Variants in PARD3 observed in about 807,000 individuals in gnomAD.
The protein encoded by PARD3 is par-3 family cell polarity regulator.
A neutral mutation model predicts 155.4 loss-of-function variants in PARD3; 75 were observed. That is an observed-to-expected ratio of 0.48 (90% CI 0.40 to 0.58). PARD3 has a LOEUF of 0.58. Among genes scored for constraint, PARD3 ranks in the 20% least tolerant of loss-of-function variants. The pLI is 0.00. For missense variants in PARD3, 1,642 were observed against 1,721.7 expected (o/e 0.95, Z 0.82); for synonymous variants, 576 against 610.5 (o/e 0.94, Z 0.83).
rs1293101978 is a variant in PARD3, at chr10:34,143,237, G to A, written c.3420-11654C>T. Among the ~76,000 whole-genome samples the A allele has an allele frequency of 2.0e-5, 3 of 152,174 alleles. No homozygotes were observed. The East Asian group carries it at 5.8e-4, about 29-fold the overall frequency. ...TGGGAAGCTGAATCGCTTGAACCCA[G>A]GAGGTGGAGGTTGCAGTGACCTGAG... On this transcript the variant is annotated intron_variant, in intron 22 of 24. Transcript: ENST00000374788.
intron 18 of PARD3, among the ~76,000 whole-genome samples, chr10:34,332,033 G>C (rs1421219853): frequency 6.6e-6 from 1 of 152,160 alleles, no homozygotes; most frequent in African/African-American, 2.4e-5. Context: ...AAAAAGGAGA[G>C]ACTGGATATG....
chr10:34,305,695 A>G (rs1184936880), intron 20 of PARD3, among the ~76,000 whole-genome samples: 3 of 152,206 alleles, frequency 2.0e-5, no homozygotes, highest in Admixed American at 1.3e-4. Context: ...TACTTAAATC[A>G]TGGCTGGGCA....
chr10:34,329,279 T>G (rs1835368005), intron 19 of PARD3, among the ~76,000 whole-genome samples: 1 of 152,140 alleles, frequency 6.6e-6, no homozygotes, highest in African/African-American at 2.4e-5. Context: ...CAAACTGCAT[T>G]TTTTAAGGAA....
chr10:34,401,649 T>C (rs150687895), intron 6 of PARD3, among the ~76,000 whole-genome samples, 177 bp downstream of exon 6: 239 of 152,332 alleles, frequency 1.6e-3, no homozygotes, highest in Non-Finnish European at 2.4e-3. Flanking sequence ...GCTATACTGC[T>C]TACATTACAT....
At position 34,268,034 on chromosome 10, in the gene PARD3, G is replaced by A. The variant is rs76523108; in HGVS notation, c.3419+1623C>T. Among the ~76,000 whole-genome samples, 452 of 152,244 alleles carry A rather than the reference G, an allele frequency of 3.0e-3. 4 individuals are homozygous for A. Among genetic ancestry groups the A allele is most frequent in the African/African-American group, 0.01 (433 of 41,538 alleles). On this transcript the variant is annotated intron_variant, in intron 22 of 24. Coordinates refer to ENST00000374788, the MANE Select transcript of PARD3 (RefSeq NM_001184785.2). The stretch of plus-strand genomic sequence containing the variant: ...CACTATGAGAGATGATGAGCTGAGT[G>A]TATCATTTATGACAATAACATGCGT...
chr10:34,544,625 T>C (rs570337736), intron 2 of PARD3, among the ~76,000 whole-genome samples: 1 of 152,322 alleles, frequency 6.6e-6, no homozygotes, highest in African/African-American at 2.4e-5. Flanking sequence ...CCATCAGTCC[T>C]GCTGAATCAG....
At chr10:34,318,827 G>A (rs538679577) in intron 19 of PARD3, among the ~76,000 whole-genome samples, 15 of 152,008 alleles carry the variant, frequency 9.9e-5, no homozygotes, top group Non-Finnish European at 2.2e-4. Context: ...GTGCAGTGGT[G>A]TGATCTCGAC....
intron 2 of PARD3, among the ~76,000 whole-genome samples, chr10:34,562,650 A>T (rs894632833): frequency 1.5e-4 from 23 of 152,178 alleles, no homozygotes; most frequent in African/African-American, 5.3e-4. Context: ...ACTTTTTTTT[A>T]AAACCAAGCA....
In PARD3 at chr10:34,173,177, T is replaced by C. The variant is rs562150097; in HGVS notation, c.3420-41594A>G. On this transcript the variant is annotated intron_variant, in intron 22 of 24. Transcript: ENST00000374788. ...AATCTCTGTGCGGGTATCGGCTGTG[T>C]CTTCCTCCTTCCGAAAAACCCCGAA... Among the ~76,000 whole-genome samples, 6 of 152,344 alleles carry C rather than the reference T, an allele frequency of 3.9e-5. No homozygotes were observed. In the East Asian group the frequency reaches 1.2e-3, roughly 29 times the overall value.
At chr10:34,434,031 G>A (rs1697522431) in intron 5 of PARD3, among the ~76,000 whole-genome samples, 1 of 152,208 alleles carries the variant, frequency 6.6e-6, no homozygotes, top group African/African-American at 2.4e-5. Context: ...ACACTATTAT[G>A]TGTGCCTCAC....
intron 2 of PARD3, among the ~76,000 whole-genome samples, chr10:34,561,679 T>C (rs2085486182): frequency 6.6e-6 from 1 of 151,904 alleles, no homozygotes; most frequent in Non-Finnish European, 1.5e-5. Flanking sequence ...CCACCATGCC[T>C]GGCTGATCTT....
chr10:34,787,264 A>G (rs1841085342), intron 1 of PARD3, among the ~76,000 whole-genome samples: 1 of 152,172 alleles, frequency 6.6e-6, no homozygotes, highest in Admixed American at 6.5e-5. Context: ...CTGTAATCCC[A>G]GCTACTCAGG....
At chr10:34,558,173 A>T (rs1043815550) in intron 2 of PARD3, among the ~76,000 whole-genome samples, 1 of 152,158 alleles carries the variant, frequency 6.6e-6, no homozygotes, top group Non-Finnish European at 1.5e-5. Flanking sequence ...TAAAAAAAAA[A>T]AGTTGAATAC....
intron 1 of PARD3, among the ~76,000 whole-genome samples, chr10:34,761,159 T>G (rs1837394276): frequency 6.6e-6 from 1 of 152,020 alleles, no homozygotes; most frequent in Non-Finnish European, 1.5e-5. Flanking sequence ...GCCTATTATC[T>G]CAGCACTCTG....
At chr10:34,776,831 TTTGTG>T (rs1234833130) in intron 1 of PARD3, among the ~76,000 whole-genome samples, 1 of 30,676 alleles carries the variant, frequency 3.3e-5, no homozygotes, top group African/African-American at 1.2e-4. Flanking sequence ...GTCGTGTTTT[TTTGTG>T]GGGGGGGGGG....
At chr10:34,690,738 G>T (rs148474692) in intron 2 of PARD3, among the ~76,000 whole-genome samples, 1 of 152,138 alleles carries the variant, frequency 6.6e-6, no homozygotes, top group Non-Finnish European at 1.5e-5. Flanking sequence ...GCAGAACCCC[G>T]AGGGAAAACC....
intron 2 of PARD3, among the ~76,000 whole-genome samples, chr10:34,583,676 A>G (rs1415686970): frequency 6.6e-6 from 1 of 152,206 alleles, no homozygotes; most frequent in Non-Finnish European, 1.5e-5. Flanking sequence ...TATCTTCCAG[A>G]GGTTACTGCA....
At position 34,573,733 on chromosome 10, in the gene PARD3, AAAAACACACACACACACACAC is replaced by A. The variant is rs2086646111; in HGVS notation, c.223-56595_223-56575del. 4.7e-3 allele frequency among the ~76,000 whole-genome samples: 562 copies of A among 118,368 alleles called. 1 individual carries two copies. The highest frequency in any genetic ancestry group is 9.5e-3 in the African/African-American group (287 of 30,304). 77.7% of individuals were successfully genotyped at this position (118,368 alleles called of 152,430 possible). A position where few individuals can be genotyped will look rare whatever the true frequency, so the allele number is the denominator to read the frequency against. The stretch of plus-strand genomic sequence containing the variant: ...AAAACAAACAAACAAACAAACAAAC[AAAAACACACACACACACACAC>A]ACACACACACACACACACACACACA... On this transcript the variant is annotated intron_variant, in intron 2 of 24. Transcript: ENST00000374788.
chr10:34,421,318 A>C (rs1164768907), intron 5 of PARD3, among the ~76,000 whole-genome samples: 1 of 150,194 alleles, frequency 6.7e-6, no homozygotes, highest in East Asian at 1.9e-4. Context: ...CTAGTTATTT[A>C]AGTAATAAAT....
Sources: gnomAD v4.1 joint callset for allele counts (sites outside exome capture counted in the v4.1 genomes callset) on GRCh38, gnomAD v4.1.1 for gene constraint, MANE v1.5 for transcripts, NCBI Gene and HGNC (gene_info 2026-07-23, HGNC 2026-07-21) for gene names.